Variants in GPM6A observed in about 807,000 individuals in gnomAD.
GPM6A encodes the protein glycoprotein M6A, also known as neuronal membrane glycoprotein M6-a.
GPM6A carries 7 observed loss-of-function variants against 32.1 expected under a neutral mutation model. The observed-to-expected ratio is 0.22, with a 90% CI of 0.12 to 0.41. GPM6A has a LOEUF of 0.41. GPM6A is among the 10% of genes least tolerant of loss of function. The pLI, the probability that GPM6A is intolerant of heterozygous loss-of-function variation, is 1.00. For missense variants in GPM6A, 235 were observed against 347.2 expected (o/e 0.68, Z 2.57); for synonymous variants, 130 against 123.4 (o/e 1.05, Z -0.35).
At chr4:175,713,947 A>AT (rs961273521) in intron 1 of GPM6A, among the ~76,000 whole-genome samples, 14 of 151,030 alleles carry the variant, frequency 9.3e-5, no homozygotes, top group Admixed American at 3.3e-4. Context: ...TTTGTCATAG[A>AT]TTTTTTTTTG....
At chr4:175,635,921 A>G (rs1740552178) in intron 6 of GPM6A, among the ~76,000 whole-genome samples, 1 of 152,108 alleles carries the variant, frequency 6.6e-6, no homozygotes, top group African/African-American at 2.4e-5. Flanking sequence ...TCAGAAAAAT[A>G]GAACACTAAG....
intron 1 of GPM6A, among the ~76,000 whole-genome samples, chr4:175,860,494 C>A (rs1405249015): frequency 6.6e-6 from 1 of 151,926 alleles, no homozygotes; most frequent in East Asian, 1.9e-4. Context: ...AAAATTCACT[C>A]AAGGAGACAT....
At chr4:175,869,538 C>T (rs1369021249) in intron 1 of GPM6A, among the ~76,000 whole-genome samples, 5 of 152,046 alleles carry the variant, frequency 3.3e-5, no homozygotes, top group Non-Finnish European at 7.4e-5. Flanking sequence ...GAGGGCAGAT[C>T]ATGAGGTCAG....
chr4:175,767,794 G>A (rs781654822), intron 1 of GPM6A, among the ~76,000 whole-genome samples: 1 of 152,218 alleles, frequency 6.6e-6, no homozygotes, highest in Non-Finnish European at 1.5e-5. Flanking sequence ...TGAATTCAGA[G>A]TTATAATGCG....
At position 175,681,790 on chromosome 4, in the gene GPM6A, C is replaced by G. The variant is rs139823443; in HGVS notation, c.231-7954G>C. ...ATGCTTCCTGTAAAACCTGCAGAAC[C>G]ATGAGCCAATTAAATCTCTTTACTA... On this transcript the variant is annotated intron_variant, in intron 2 of 6. Transcript: ENST00000393658. Among the ~76,000 whole-genome samples the G allele has an allele frequency of 3.1e-3, 465 of 152,274 alleles. 1 individual carries two copies. The highest frequency in any genetic ancestry group is 0.011 in the African/African-American group (447 of 41,552).
intron 1 of GPM6A, among the ~76,000 whole-genome samples, chr4:176,002,033 G>A (rs1481482778): frequency 2.0e-5 from 3 of 152,162 alleles, no homozygotes; most frequent in Non-Finnish European, 4.4e-5. Context: ...CCGGCGCAGA[G>A]GATCAGCGCC....
chr4:175,861,434 CT>C (rs1736569421), intron 1 of GPM6A, among the ~76,000 whole-genome samples: 1 of 149,934 alleles, frequency 6.7e-6, no homozygotes. Context: ...TTAATTCAAA[CT>C]AAAAAAAAAA....
intron 1 of GPM6A, among the ~76,000 whole-genome samples, chr4:175,795,393 A>G (rs555896572): frequency 1.8e-4 from 27 of 152,230 alleles, no homozygotes; most frequent in African/African-American, 5.5e-4. Flanking sequence ...GCACTTTTTG[A>G]CTTGCTTCTA....
chr4:175,691,527 A>G (rs538032451), intron 2 of GPM6A, among the ~76,000 whole-genome samples: 2 of 152,356 alleles, frequency 1.3e-5, no homozygotes, highest in Admixed American at 6.5e-5. Flanking sequence ...CTTACTATAT[A>G]CCACTTTGAA....
At chr4:175,722,591 T>A (rs6824335) in intron 1 of GPM6A, among the ~76,000 whole-genome samples, 1 of 151,776 alleles carries the variant, frequency 6.6e-6, no homozygotes, top group East Asian at 1.9e-4. Flanking sequence ...ATAATTTACT[T>A]TTACCAACCT....
chr4:175,782,534 T>C (rs960670715), intron 1 of GPM6A, among the ~76,000 whole-genome samples: 4 of 152,138 alleles, frequency 2.6e-5, no homozygotes, highest in African/African-American at 4.8e-5. Context: ...TTGTTCATCA[T>C]TGTTTTCTTG....
intron 1 of GPM6A, among the ~76,000 whole-genome samples, chr4:175,761,543 T>A (rs994828462): frequency 6.6e-6 from 1 of 152,164 alleles, no homozygotes; most frequent in Non-Finnish European, 1.5e-5. Context: ...GACCCACAAT[T>A]GTATTTAATC....
chr4:175,749,047 G>A (rs2111183864), intron 1 of GPM6A, among the ~76,000 whole-genome samples: 1 of 152,194 alleles, frequency 6.6e-6, no homozygotes, highest in South Asian at 2.1e-4. Flanking sequence ...ATTAAAGAAA[G>A]TTAGAACCTC....
At chr4:175,683,430 G>A (rs903095703) in intron 2 of GPM6A, among the ~76,000 whole-genome samples, 1 of 152,146 alleles carries the variant, frequency 6.6e-6, no homozygotes, top group Non-Finnish European at 1.5e-5. Flanking sequence ...AAGACTTTGG[G>A]TGACTGTTGG....
At chr4:175,730,850 C>G (rs1579437036) in intron 1 of GPM6A, among the ~76,000 whole-genome samples, 1 of 152,138 alleles carries the variant, frequency 6.6e-6, no homozygotes, top group Non-Finnish European at 1.5e-5. Flanking sequence ...CAGTTCTCAT[C>G]TAAACTGCCC....
intron 2 of GPM6A, among the ~76,000 whole-genome samples, chr4:175,700,775 A>G (rs972285719): frequency 6.6e-5 from 10 of 152,188 alleles, no homozygotes; most frequent in African/African-American, 2.4e-4. Context: ...GATTACAAAC[A>G]AACTAATAAA....
chr4:175,895,936 A>G (rs903046449), intron 1 of GPM6A, among the ~76,000 whole-genome samples: 2 of 152,128 alleles, frequency 1.3e-5, no homozygotes, highest in African/African-American at 4.8e-5. Context: ...TTTCTATTAC[A>G]TTGGCTTTTA....
Position 175,657,446 on chromosome 4 carries a change from T to G in GPM6A, c.388-5459A>C, listed in dbSNP as rs541888434. Among the ~76,000 whole-genome samples the G allele has an allele frequency of 5.9e-5, 9 of 152,022 alleles. No individual in the cohort carries two copies. The South Asian group carries it at 1.9e-3, about 32-fold the overall frequency. ...GCAGGTGATTCTCATAGATATCCAG[T>G]GTTAAGAACTCTTTCTATATTGGAA... On this transcript the variant is annotated intron_variant, in intron 3 of 6. Coordinates refer to ENST00000393658, the MANE Select transcript of GPM6A (RefSeq NM_201591.3).
chr4:175,941,074 T>G (rs1579647343), intron 1 of GPM6A, among the ~76,000 whole-genome samples: 1 of 152,214 alleles, frequency 6.6e-6, no homozygotes, highest in East Asian at 1.9e-4. Context: ...ATACTGTTTT[T>G]TACTAAGTGA....
Sources: allele counts gnomAD v4.1 joint callset (sites outside exome capture counted in the v4.1 genomes callset), GRCh38; gene constraint gnomAD v4.1.1; transcripts MANE v1.5; gene names NCBI Gene and HGNC (gene_info 2026-07-23, HGNC 2026-07-21).